The following AGTPBP1 variants were observed in gnomAD, a reference collection of about 807,000 sequenced individuals.
The protein encoded by AGTPBP1 is ATP/GTP binding carboxypeptidase 1, also known as cytosolic carboxypeptidase 1.
In AGTPBP1, 70 loss-of-function variants were observed where a neutral mutation model predicts 143.9. That is an observed-to-expected ratio of 0.49 (90% CI 0.40 to 0.59). The LOEUF is 0.59. AGTPBP1 is among the 20% of genes least tolerant of loss of function. AGTPBP1 has a pLI of 0.00. For synonymous variants in AGTPBP1, 463 were observed against 500.2 expected (o/e 0.93, Z 0.99); for missense variants, 1,229 against 1,464.5 (o/e 0.84, Z 2.62).
chr9:85,549,429 C>A (rs1333983990), intron 25 of AGTPBP1, among the ~76,000 whole-genome samples: 2 of 152,178 alleles, frequency 1.3e-5, no homozygotes, highest in Admixed American at 6.5e-5. Flanking sequence ...GCCCACCTTT[C>A]CCCCTATCTG....
intron 18 of AGTPBP1, among the ~76,000 whole-genome samples, chr9:85,594,588 T>TA (rs11292909): frequency 1.2e-4 from 18 of 150,362 alleles, no homozygotes; most frequent in East Asian, 5.9e-4. Context: ...AGACTGTGTT[T>TA]AAAAAAAAAA....
chr9:85,597,270 C>T (rs1443023557), intron 17 of AGTPBP1, among the ~76,000 whole-genome samples: 1 of 151,854 alleles, frequency 6.6e-6, no homozygotes, highest in Non-Finnish European at 1.5e-5. Flanking sequence ...TTAATATTCA[C>T]ATTATCAAAT....
intron 7 of AGTPBP1, among the ~76,000 whole-genome samples, chr9:85,671,736 T>C (rs1209009052): frequency 6.6e-6 from 1 of 152,132 alleles, no homozygotes; most frequent in East Asian, 1.9e-4. Context: ...AGTGAGAGTG[T>C]GTGTTTTGGG....
At chr9:85,759,018 T>C in the AGTPBP1 span, among the ~76,000 whole-genome samples, 5 of 151,852 alleles carry the variant, frequency 3.3e-5, no homozygotes, top group East Asian at 3.9e-4. Context: ...TCAAAAGAGA[T>C]AAAGAAGGCC....
At chr9:85,730,392 G>A (rs796922819) in intron 1 of AGTPBP1, among the ~76,000 whole-genome samples, 6 of 152,200 alleles carry the variant, frequency 3.9e-5, no homozygotes, top group African/African-American at 1.4e-4. Flanking sequence ...AGACGGCTCT[G>A]GAAAAGCATT....
At chr9:85,775,063 G>A in the AGTPBP1 span, among the ~76,000 whole-genome samples, 1 of 152,028 alleles carries the variant, frequency 6.6e-6, no homozygotes, top group Non-Finnish European at 1.5e-5. Context: ...AGCACTTTGG[G>A]AGGCTGAGTC....
intron 3 of AGTPBP1, 82 bp downstream of exon 3, chr9:85,692,607 A>G: frequency 2.0e-6 from 3 of 1,523,286 alleles, no homozygotes; most frequent in Non-Finnish European, 2.7e-6. Flanking sequence ...ATCATCCATT[A>G]TTAGAAGTTT....
intron 22 of AGTPBP1, among the ~76,000 whole-genome samples, chr9:85,586,304 C>T (rs902366904): frequency 1.3e-5 from 2 of 151,852 alleles, no homozygotes; most frequent in African/African-American, 4.8e-5. Flanking sequence ...AATTTAAGTG[C>T]ATCATTTTAA....
rs368848283 is a variant in AGTPBP1 at position 85,719,496 on chromosome 9, T to C, written c.-33-6930A>G. On this transcript the variant is annotated intron_variant, in intron 1 of 25. Coordinates refer to ENST00000357081, the MANE Select transcript of AGTPBP1 (RefSeq NM_001330701.2). ...TGGTGTATAGGAATGCTTGTGATTT[T>C]TGCACACTGATTTTGTATCCTGAGA... Among the ~76,000 whole-genome samples the C allele has an allele frequency of 3.3e-5, 5 of 152,336 alleles. No individual in the cohort carries two copies. In the South Asian group the frequency reaches 1.0e-3, roughly 32 times the overall value.
chr9:85,661,169 T>C (rs775884234), intron 8 of AGTPBP1, among the ~76,000 whole-genome samples, 196 bp from the exon 9 acceptor site: 13 of 152,028 alleles, frequency 8.6e-5, no homozygotes, highest in Admixed American at 2.6e-4. Context: ...ATGAAAAAGA[T>C]TGAAATATCA....
At chr9:85,781,742 T>G in the AGTPBP1 span, among the ~76,000 whole-genome samples, 1 of 152,212 alleles carries the variant, frequency 6.6e-6, no homozygotes, top group South Asian at 2.1e-4. Flanking sequence ...TATGTATTTT[T>G]AAGATAAATC....
chr9:85,711,140 T>C (rs1306991018), intron 2 of AGTPBP1, among the ~76,000 whole-genome samples: 1 of 152,198 alleles, frequency 6.6e-6, no homozygotes, highest in African/African-American at 2.4e-5. Context: ...GCAGAAACTT[T>C]CATTACCAGT....
At chr9:85,604,214 G>T (rs981122624) in intron 17 of AGTPBP1, among the ~76,000 whole-genome samples, 2 of 152,170 alleles carry the variant, frequency 1.3e-5, no homozygotes, top group African/African-American at 4.8e-5. Context: ...TACCAGCGGT[G>T]GTGGCCACAG....
At chr9:85,598,004 GAATAAAT>G (rs902841013) in intron 17 of AGTPBP1, among the ~76,000 whole-genome samples, 1 of 152,012 alleles carries the variant, frequency 6.6e-6, no homozygotes, top group African/African-American at 2.4e-5. Context: ...TCACTTATTA[GAATAAAT>G]AATAAAAGCA....
the AGTPBP1 span, chr9:85,788,144 T>C: frequency 6.6e-6 from 1 of 152,090 alleles, no homozygotes; most frequent in Non-Finnish European, 1.5e-5. Context: ...TCTGTGGACT[T>C]ACCTGGGAAT....
chr9:85,750,291 A>G, the AGTPBP1 span, among the ~76,000 whole-genome samples: 1 of 152,194 alleles, frequency 6.6e-6, no homozygotes, highest in Non-Finnish European at 1.5e-5. Flanking sequence ...CAGGGGCTAA[A>G]TTATAGCTAT....
At chr9:85,672,413 A>G in intron 7 of AGTPBP1, 137 bp downstream of exon 7, 1 of 1,007,606 alleles carries the variant, frequency 9.9e-7, no homozygotes, top group African/African-American at 1.6e-5. Flanking sequence ...GTTGGAGTCA[A>G]GAGTTAAAAT....
intron 3 of AGTPBP1, among the ~76,000 whole-genome samples, chr9:85,686,170 TG>T (rs1473064624): frequency 3.3e-5 from 5 of 151,790 alleles, no homozygotes; most frequent in African/African-American, 7.2e-5. Context: ...TCAAACTGGA[TG>T]TTTTTTTTTA....
the AGTPBP1 span, among the ~76,000 whole-genome samples, chr9:85,754,473 C>T: frequency 2.3e-4 from 35 of 152,114 alleles, no homozygotes; most frequent in Admixed American, 1.2e-3. Flanking sequence ...TGAGCCACCG[C>T]GCCCAGCCAA....
Sources: allele counts gnomAD v4.1 joint callset (sites outside exome capture counted in the v4.1 genomes callset), GRCh38; gene constraint gnomAD v4.1.1; transcripts MANE v1.5; gene names NCBI Gene and HGNC (gene_info 2026-07-23, HGNC 2026-07-21).